The following CIITA variants were observed in gnomAD, a reference collection of about 807,000 sequenced individuals.
CIITA encodes class II major histocompatibility complex transactivator.
CIITA carries 72 observed loss-of-function variants against 115.1 expected under a neutral mutation model. The observed-to-expected ratio is 0.63, with a 90% confidence interval of 0.52 to 0.76. The LOEUF (loss-of-function observed/expected upper bound fraction) is 0.76. Among genes scored for constraint, CIITA ranks in the 30% least tolerant of loss-of-function variants. The pLI is 0.00. For synonymous variants in CIITA, 763 were observed against 635.6 expected (o/e 1.20, Z -3.02); for missense variants, 1,617 against 1,463.8 (o/e 1.10, Z -1.71).
In CIITA at chr16:10,923,385, A is replaced by G; in HGVS notation, c.*22+60A>G. On this transcript the variant is annotated intron_variant, in intron 19 of 19. Transcript: ENST00000324288. This position sits in a 1 kb window ranked among gnomAD's most constrained non-coding sequence, Gnocchi z 5.2. ...GTGGGTTGGGGGCAGTGTCCTTGTG[A>G]AGGTGGCATTCAAAAAATGTGGGCG... is the stretch of plus-strand genomic sequence containing the variant. 7.3e-7 allele frequency: 1 copy of G among 1,361,494 alleles called. No individual in the cohort carries two copies. The highest frequency in any genetic ancestry group is 1.2e-5 in the South Asian group (1 of 86,054). 84.3% of individuals were successfully genotyped at this position (1,361,494 alleles called of 1,614,324 possible). A position where few individuals can be genotyped will look rare whatever the true frequency, so the allele number is the denominator to read the frequency against.
At position 10,918,430 on chromosome 16, in the gene CIITA, G is replaced by T; in HGVS notation, c.3063-10G>T. On this transcript the variant is annotated splice_polypyrimidine_tract_variant and intron_variant, in intron 15 of 19. Transcript: ENST00000324288. ...GGTCCTGAGCCCTCCCCCTCACTGT[G>T]TCCCCGCAGTCTGTCCCAGAACAAC... The T allele has an allele frequency of 6.2e-7, 1 of 1,613,794 alleles. No individual in the cohort carries two copies. Among genetic ancestry groups the T allele is most frequent in the East Asian group, 2.2e-5 (1 of 44,870 alleles).
chr16:10,923,380 T>A lies in CIITA; in HGVS notation c.*22+55T>A. 7.2e-7 allele frequency: 1 copy of A among 1,391,512 alleles called. No individual in the cohort carries two copies. Among genetic ancestry groups the A allele is most frequent in the Non-Finnish European group, 1.0e-6 (1 of 981,054 alleles). The allele number at this position is 1,391,512 out of a possible 1,614,324, so 86.2% of individuals were successfully genotyped here. A position where few individuals can be genotyped will look rare whatever the true frequency, so the allele number is the denominator to read the frequency against. Reference sequence around the variant, plus strand: ...CCGCAGTGGGTTGGGGGCAGTGTCCTTGTGAAGGTGGCATTCAAAAAATGT... The same window carrying A: ...CCGCAGTGGGTTGGGGGCAGTGTCCATGTGAAGGTGGCATTCAAAAAATGT... On this transcript the variant is annotated intron_variant, in intron 19 of 19. Coordinates refer to ENST00000324288, the MANE Select transcript of CIITA (RefSeq NM_000246.4). The surrounding 1 kb of genome is among the most constrained non-coding windows in gnomAD (Gnocchi z 5.2).
At chr16:10,899,938 G>A (rs748554862) in intron 5 of CIITA, among the ~76,000 whole-genome samples, 17 of 151,948 alleles carry the variant, frequency 1.1e-4, no homozygotes, top group South Asian at 2.1e-4. Context: ...AAAATTAGCC[G>A]GGTGTGGTGG....
intron 13 of CIITA, 71 bp downstream of exon 13, chr16:10,910,330 C>T: frequency 2.4e-6 from 3 of 1,267,394 alleles, no homozygotes; most frequent in East Asian, 2.4e-5. Context: ...GGGCTTGTAC[C>T]ACCTGAATGG....
intron 8 of CIITA, 93 bp downstream of exon 8, chr16:10,902,894 G>C: frequency 6.8e-7 from 1 of 1,469,122 alleles, no homozygotes; most frequent in Non-Finnish European, 9.5e-7. Flanking sequence ...CTTGGCAGTG[G>C]TGCCCTAGCA....
rs575007055 is a variant in CIITA at position 10,920,652 on chromosome 16, T to G, written c.3150-1515T>G. 6.6e-6 allele frequency among the ~76,000 whole-genome samples: 1 copy of G among 152,338 alleles called. No individual in the cohort carries two copies. Among genetic ancestry groups the G allele is most frequent in the African/African-American group, 2.4e-5 (1 of 41,578 alleles). ...GCAAACTGTGACACGCTATTGGTTA[T>G]AAGACACATCCTGATCTCAATGATA... On this transcript the variant is annotated intron_variant, in intron 16 of 19. Transcript: ENST00000324288. The surrounding 1 kb of genome is among the most constrained non-coding windows in gnomAD (Gnocchi z 4.5).
chr16:10,938,842 G>A (rs909861965), downstream of CIITA: 2 of 152,210 alleles, frequency 1.3e-5, no homozygotes, highest in African/African-American at 2.4e-5. This position sits in a 1 kb window ranked among gnomAD's most constrained non-coding sequence, Gnocchi z 4.9. Context: ...CTTAAACAGC[G>A]TTTGCTGCAA....
intron 16 of CIITA, 95 bp from the exon 17 acceptor site, chr16:10,922,072 G>A (rs2040300834): frequency 9.0e-7 from 1 of 1,111,684 alleles, no homozygotes; most frequent in African/African-American, 1.5e-5. Context: ...GGGATAGTGG[G>A]ACCAGGCTTT....
At chr16:10,912,222 T>C (rs1387424671) in intron 13 of CIITA, among the ~76,000 whole-genome samples, 2 of 152,168 alleles carry the variant, frequency 1.3e-5, no homozygotes, top group African/African-American at 4.8e-5. Context: ...CAAGCAATTT[T>C]CCTGCCTCAG....
At chr16:10,884,466 G>A (rs2036736123) in intron 1 of CIITA, among the ~76,000 whole-genome samples, 1 of 152,152 alleles carries the variant, frequency 6.6e-6, no homozygotes, top group African/African-American at 2.4e-5. Context: ...CCAGGTTGGA[G>A]TGCAGTGGCA....
At chr16:10,896,306 T>C (rs1014964238) in intron 3 of CIITA, among the ~76,000 whole-genome samples, 11 of 152,232 alleles carry the variant, frequency 7.2e-5, no homozygotes, top group Non-Finnish European at 1.5e-4. Flanking sequence ...GCATTAGAGA[T>C]AGTAATGTAC....
At position 10,916,383 on chromosome 16, in the gene CIITA, G is replaced by A; in HGVS notation, c.2986G>A (p.Glu996Lys). The A allele has an allele frequency of 1.2e-6, 2 of 1,613,932 alleles. No homozygotes were observed. The highest frequency in any genetic ancestry group is 1.7e-6 in the Non-Finnish European group (2 of 1,179,950). The change falls in exon 15 of 20, where the codon GAG becomes AAG. Residue 996 changes from glutamate (E) to lysine (K), a missense_variant. By Grantham distance (56) the Glu-to-Lys change is moderately conservative (BLOSUM62 1). Coordinates refer to ENST00000324288, the MANE Select transcript of CIITA (RefSeq NM_000246.4). ...LQHLDLDALS[E>K]NKIGDEGVSQ... ...CACCTGCAGCCTGGATGCGCTGAGT[G>A]AGAACAAGATCGGGGACGAGGGTGT...
chr16:10,892,293 C>T lies in CIITA; in HGVS notation c.53-2989C>T, dbSNP rs1358230521. On this transcript the variant is annotated intron_variant, in intron 1 of 19. Transcript: ENST00000324288. Reference sequence around the variant, plus strand: ...GAGCCAAGATTGCACCACTGCACTCCAGCCTGGGCGACAGAGTGAGACTCT... The same window carrying T: ...GAGCCAAGATTGCACCACTGCACTCTAGCCTGGGCGACAGAGTGAGACTCT... 2.0e-5 allele frequency among the ~76,000 whole-genome samples: 3 copies of T among 151,792 alleles called. No homozygotes were observed. The East Asian group carries it at 5.8e-4, about 29-fold the overall frequency.
rs2040551176 is a variant in CIITA, at chr16:10,926,829, T to C, written c.*2974T>C. ...GCCACCGCACCCGGCCACTACTGTT[T>C]ATTTAATGAGCAGATACATGCAAAG... On this transcript the variant is annotated 3_prime_UTR_variant, in exon 20 of 20. Transcript: ENST00000324288. The C allele has an allele frequency of 6.6e-6, 1 of 152,304 alleles. No homozygotes were observed. Among genetic ancestry groups the C allele is most frequent in the Non-Finnish European group, 1.5e-5 (1 of 68,096 alleles). 9.4% of individuals were successfully genotyped at this position (152,304 alleles called of 1,614,324 possible).
rs1411042403 is a variant in CIITA, at chr16:10,906,971, C to T, written c.1479C>T (p.Arg493=). Reference sequence around the variant, plus strand: ...GCCACATCTTGAAGAGACCTGACCGCGTTCTGCTCATCCTAGACGGCTTCG... The same window carrying T: ...GCCACATCTTGAAGAGACCTGACCGTGTTCTGCTCATCCTAGACGGCTTCG... ...VFSHILKRPD[R]VLLILDGFEE... The change falls in exon 11 of 20, where the codon CGC becomes CGT. Residue 493 remains arginine, a synonymous_variant. Coordinates refer to ENST00000324288, the MANE Select transcript of CIITA (RefSeq NM_000246.4). 4.3e-6 allele frequency: 7 copies of T among 1,612,218 alleles called. No individual in the cohort carries two copies. The highest frequency in any genetic ancestry group is 1.3e-5 in the African/African-American group (1 of 74,900).
intron 15 of CIITA, 51 bp from the exon 16 acceptor site, chr16:10,918,389 T>A: frequency 6.7e-7 from 1 of 1,495,574 alleles, no homozygotes; most frequent in African/African-American, 1.4e-5. Flanking sequence ...GAGGTCAAAG[T>A]GAGGCATGCA....
At position 10,901,178 on chromosome 16, in the gene CIITA, C is replaced by A. The variant is rs1403068135; in HGVS notation, c.437-336C>A. Among the ~76,000 whole-genome samples, 1 of 152,176 alleles carries A rather than the reference C, an allele frequency of 6.6e-6. No individual in the cohort carries two copies. The highest frequency in any genetic ancestry group is 1.5e-5 in the Non-Finnish European group (1 of 68,022). On this transcript the variant is annotated intron_variant, in intron 5 of 19. Coordinates refer to ENST00000324288, the MANE Select transcript of CIITA (RefSeq NM_000246.4). This position sits in a 1 kb window ranked among gnomAD's most constrained non-coding sequence, Gnocchi z 6.8. Reference sequence around the variant, plus strand: ...TTTCATAGATGTGAGATCAAAGGTTCAGAGAAGCTGCATTGCAAAGGCACA... The same window carrying A: ...TTTCATAGATGTGAGATCAAAGGTTAAGAGAAGCTGCATTGCAAAGGCACA...
rs138777168 is a variant in CIITA at position 10,927,176 on chromosome 16, C to T, written c.*3321C>T. 6.6e-6 allele frequency: 1 copy of T among 152,372 alleles called. No individual in the cohort carries two copies. The highest frequency in any genetic ancestry group is 2.4e-5 in the African/African-American group (1 of 41,592). The allele number at this position is 152,372 out of a possible 1,614,324, so 9.4% of individuals were successfully genotyped here. On this transcript the variant is annotated 3_prime_UTR_variant, in exon 20 of 20. Transcript: ENST00000324288. Reference sequence around the variant, plus strand: ...AATAACATGTTGGCTGTCATTATTACATATATCTGTGTTTCATTCTTGCCT... The same window carrying T: ...AATAACATGTTGGCTGTCATTATTATATATATCTGTGTTTCATTCTTGCCT...
intron 13 of CIITA, among the ~76,000 whole-genome samples, chr16:10,913,649 T>C (rs1006111066): frequency 1.4e-5 from 2 of 146,750 alleles, no homozygotes; most frequent in Non-Finnish European, 3.0e-5. Context: ...CAGTTAAAAA[T>C]AAAACTCTGG....
Sources: allele counts gnomAD v4.1 joint callset (sites outside exome capture counted in the v4.1 genomes callset), GRCh38; gene constraint gnomAD v4.1.1; non-coding constraint Gnocchi (gnomAD v3.1); transcripts MANE v1.5; gene names NCBI Gene and HGNC (gene_info 2026-07-23, HGNC 2026-07-21).